The following NOTCH4 variants were observed in gnomAD, a reference collection of about 807,000 sequenced individuals.
NOTCH4 encodes neurogenic locus notch homolog protein 4.
Under a neutral mutation model 189.0 loss-of-function variants are expected in NOTCH4, and 138 were observed. The observed-to-expected ratio is 0.73, with a 90% CI of 0.64 to 0.84. The LOEUF is 0.84. Among genes scored for constraint, NOTCH4 ranks in the 40% least tolerant of loss-of-function variants. The probability of loss-of-function intolerance (pLI) is 0.00; values close to 1 mark genes in which losing one functional copy is unlikely to be tolerated. For missense variants in NOTCH4, 2,286 were observed against 2,605.4 expected, an observed-to-expected ratio of 0.88 and a Z score of 2.67; for synonymous variants, 942 against 1,032.8, an observed-to-expected ratio of 0.91 and a Z score of 1.69.
rs1256127979 is a variant in NOTCH4, at chr6:32,199,620, C to T, written c.4316-475G>A. 6.6e-6 allele frequency among the ~76,000 whole-genome samples: 1 copy of T among 152,122 alleles called. No individual in the cohort carries two copies. Among genetic ancestry groups the T allele is most frequent in the Non-Finnish European group, 1.5e-5 (1 of 68,018 alleles). On this transcript the variant is annotated intron_variant, in intron 23 of 29. Transcript: ENST00000375023. This position sits in a 1 kb window ranked among gnomAD's most constrained non-coding sequence, Gnocchi z 4.9. ...TTGGGAGGCTGAGGCAGGAGAATGG[C>T]GTGAACTTGGGAGGTGGAGCTTGCA...
In NOTCH4 at chr6:32,220,469, G is replaced by C. The variant is rs762106188; in HGVS notation, c.1095C>G (p.Ala365=). 3.1e-6 allele frequency: 5 copies of C among 1,613,860 alleles called. No individual in the cohort carries two copies. Among genetic ancestry groups the C allele is most frequent in the Non-Finnish European group, 4.2e-6 (5 of 1,180,022 alleles). ...NLDDCIAATC[A]PGSTCIDRVG... The stretch of plus-strand genomic sequence containing the variant: ...CCCGGTCAATGCAGGTGGATCCCGG[G>C]GCACAGGTGGCAGCAATACAGTCAT... Residue 365 remains alanine (A), a synonymous_variant, in exon 6 of 30, where the codon GCC becomes GCG. Transcript: ENST00000375023.
At chr6:32,215,088 C>T (rs1358456254) in intron 12 of NOTCH4, 138 bp downstream of exon 12, 20 of 769,056 alleles carry the variant, frequency 2.6e-5, no homozygotes, top group Non-Finnish European at 4.0e-5. Flanking sequence ...CACTGCCTTG[C>T]CCTAAGAACT....
intron 18 of NOTCH4, among the ~76,000 whole-genome samples, chr6:32,207,161 C>T (rs537964758): frequency 6.6e-6 from 1 of 151,256 alleles, no homozygotes; most frequent in Admixed American, 6.6e-5. Flanking sequence ...GAACTCCTGA[C>T]CTTGTGATCT....
chr6:32,223,054 C>T lies in NOTCH4; in HGVS notation c.106G>A (p.Ala36Thr). The T allele has an allele frequency of 6.2e-7, 1 of 1,614,006 alleles. No homozygotes were observed. The highest frequency in any genetic ancestry group is 1.3e-5 in the African/African-American group (1 of 75,000). The change falls in exon 2 of 30, where the codon GCC becomes ACC. Residue 36 changes from alanine (A) to threonine (T), a missense_variant. Coordinates refer to ENST00000375023, the MANE Select transcript of NOTCH4 (RefSeq NM_004557.4). ...AGGCTCAGGCAGGTGCCTCCATTGG[C>T]ACAGGGTTCTGGGAAACTCCCACAC... ...LLCGSFPEPCANGGTCLSLSL... is the reference protein window; with the variant it reads ...LLCGSFPEPCTNGGTCLSLSL...
intron 12 of NOTCH4, 96 bp from the exon 13 acceptor site, chr6:32,214,351 G>A (rs949320833): frequency 4.3e-5 from 60 of 1,401,716 alleles, no homozygotes; most frequent in Non-Finnish European, 5.8e-5. Flanking sequence ...TCTTCTTTTG[G>A]CCCTGAGATT....
rs971885229 is a variant in NOTCH4, at chr6:32,215,279, A to G, written c.1968T>C (p.Pro656=). ...KANCLCPDGS[P]GCAPPEDNCT... Reference sequence around the variant, plus strand: ...AGTTGTCCTCAGGTGGGGCACAGCCAGGGCTTCCATCAGGACAGAGGCAGT... The same window carrying G: ...AGTTGTCCTCAGGTGGGGCACAGCCGGGGCTTCCATCAGGACAGAGGCAGT... Residue 656 remains proline, a synonymous_variant, in exon 12 of 30, where the codon CCT becomes CCC. Transcript: ENST00000375023. 1.9e-6 allele frequency: 3 copies of G among 1,606,688 alleles called. No homozygotes were observed. Among genetic ancestry groups the G allele is most frequent in the South Asian group, 2.2e-5 (2 of 89,418 alleles).
intron 12 of NOTCH4, 139 bp downstream of exon 12, chr6:32,215,087 G>T: frequency 1.3e-6 from 1 of 759,052 alleles, no homozygotes; most frequent in Non-Finnish European, 2.0e-6. Context: ...CCACTGCCTT[G>T]CCCTAAGAAC....
At chr6:32,223,709 C>A in intron 1 of NOTCH4, 147 bp downstream of exon 1, 1 of 854,724 alleles carries the variant, frequency 1.2e-6, no homozygotes, top group South Asian at 1.7e-5. Context: ...AGCCGTCTTT[C>A]CCTGGAGGCC....
rs531105674 is a variant in NOTCH4, at chr6:32,198,654, C to A, written c.4612G>T (p.Gly1538Cys). The A allele has an allele frequency of 6.2e-7, 1 of 1,612,116 alleles. No homozygotes were observed. Among genetic ancestry groups the A allele is most frequent in the Admixed American group, 1.7e-5 (1 of 59,918 alleles). Residue 1538 changes from glycine (G) to cysteine (C), a missense_variant, in exon 25 of 30, where the codon GGC (glycine) becomes TGC (cysteine). By Grantham distance (159) the Gly-to-Cys change is radical. This residue lies in a region of NOTCH4 where 1,903 missense variants were observed against 2,261.9 expected (regional missense o/e 0.84). Coordinates refer to ENST00000375023, the MANE Select transcript of NOTCH4 (RefSeq NM_004557.4). The surrounding 1 kb of genome is among the most constrained non-coding windows in gnomAD (Gnocchi z 5.5). ...CSGPEEGEEVGQAEETGPPST... is the reference protein window; with the variant it reads ...CSGPEEGEEVCQAEETGPPST... ...TCTTGCCCCAGCCCTTTCACCTGGCCCACCTCCTCTCCCTCCTCAGGGCCT... is the reference window on the plus strand; with the variant it reads ...TCTTGCCCCAGCCCTTTCACCTGGCACACCTCCTCTCCCTCCTCAGGGCCT...
intron 17 of NOTCH4, among the ~76,000 whole-genome samples, chr6:32,211,638 TA>T (rs988219656): frequency 4.9e-5 from 7 of 141,968 alleles, no homozygotes; most frequent in African/African-American, 1.8e-4. Context: ...AATAAATAAA[TA>T]AATAAGGTAT....
At chr6:32,220,704 G>A in intron 5 of NOTCH4, 52 bp downstream of exon 5, 1 of 1,612,634 alleles carries the variant, frequency 6.2e-7, no homozygotes, top group South Asian at 1.1e-5. Flanking sequence ...GGGGAGGCCA[G>A]GGGCCAACTC....
Position 32,217,339 on chromosome 6 carries a change from G to A in NOTCH4, c.1625-73C>T, listed in dbSNP as rs1274180852. On this transcript the variant is annotated intron_variant, in intron 9 of 29. Coordinates refer to ENST00000375023, the MANE Select transcript of NOTCH4 (RefSeq NM_004557.4). The surrounding 1 kb of genome is among the most constrained non-coding windows in gnomAD (Gnocchi z 4.2). ...GAGGCACAGCATGGCGCCTTCCCTT[G>A]CCAGGAAAGGTGAACTTGCAGAGCT... 1.1e-6 allele frequency: 1 copy of A among 946,678 alleles called. No individual in the cohort carries two copies. Among genetic ancestry groups the A allele is most frequent in the Non-Finnish European group, 1.7e-6 (1 of 597,350 alleles). 58.6% of individuals were successfully genotyped at this position (946,678 alleles called of 1,614,324 possible). A position where few individuals can be genotyped will look rare whatever the true frequency, so the allele number is the denominator to read the frequency against.
Position 32,195,524 on chromosome 6 carries a change from G to A in NOTCH4, c.5925C>T (p.Ser1975=), listed in dbSNP as rs1018105393. ...IPIPPPCLTP[S]PERGSPQLDC... ...CAAGTTGAGGTGATCCCCGCTCCGGGGACGGAGTAAGGCAAGGAGGCGGGA... is the reference window on the plus strand; with the variant it reads ...CAAGTTGAGGTGATCCCCGCTCCGGAGACGGAGTAAGGCAAGGAGGCGGGA... The change falls in exon 30 of 30, where the codon TCC becomes TCT. Residue 1975 remains serine (S), a synonymous_variant. Transcript: ENST00000375023. This position sits in a 1 kb window ranked among gnomAD's most constrained non-coding sequence, Gnocchi z 5.4. The A allele has an allele frequency of 6.2e-7, 1 of 1,613,110 alleles. No homozygotes were observed. The highest frequency in any genetic ancestry group is 8.5e-7 in the Non-Finnish European group (1 of 1,180,032).
At chr6:32,203,692 CT>C in intron 20 of NOTCH4, 77 bp downstream of exon 20, 3 of 1,072,232 alleles carry the variant, frequency 2.8e-6, no homozygotes, top group Non-Finnish European at 4.1e-6. Flanking sequence ...CCCACAGTCC[CT>C]TCTGGGATTC....
rs555486689 is a variant in NOTCH4 at position 32,213,338 on chromosome 6, C to T, written c.2321-86G>A. 6 of 796,072 alleles carry T rather than the reference C, an allele frequency of 7.5e-6. No individual in the cohort carries two copies. The Admixed American group carries it at 9.2e-5, about 12-fold the overall frequency. The allele number at this position is 796,072 out of a possible 1,614,324, so 49.3% of individuals were successfully genotyped here. On this transcript the variant is annotated intron_variant, in intron 14 of 29. Coordinates refer to ENST00000375023, the MANE Select transcript of NOTCH4 (RefSeq NM_004557.4). Reference sequence around the variant, plus strand: ...GTCACACTGTACATAGGACATACACCCCCCACCCCCATCAAAACGACAGCT... The same window carrying T: ...GTCACACTGTACATAGGACATACACTCCCCACCCCCATCAAAACGACAGCT...
At position 32,203,823 on chromosome 6, in the gene NOTCH4, TCCC is replaced by T. The variant is rs779012808; in HGVS notation, c.3175_3177del (p.Gly1059del). ...GGTGATCCTGCTGTGGCCTCACAGG[TCCC>T]TCCATGAAAGCAGGGTTGGCTGTGG... On this transcript the variant is annotated inframe_deletion, in exon 20 of 30. Transcript: ENST00000375023. 9 of 1,562,440 alleles carry T rather than the reference TCCC, an allele frequency of 5.8e-6. No individual in the cohort carries two copies. The highest frequency in any genetic ancestry group is 7.8e-6 in the Non-Finnish European group (9 of 1,152,872).
At chr6:32,196,445 T>G (rs1156787755) in intron 28 of NOTCH4, 24 bp from the exon 29 acceptor site, 1 of 1,611,318 alleles carries the variant, frequency 6.2e-7, no homozygotes, top group Non-Finnish European at 8.5e-7. Context: ...TGGGAGGTTG[T>G]TACCCCAGTT....
Position 32,217,200 on chromosome 6 carries a change from C to A in NOTCH4, c.1691G>T (p.Gly564Val). The change falls in exon 10 of 30, where the codon GGG becomes GTG. Residue 564 changes from glycine (G) to valine (V), a missense_variant. Physicochemically the swap from Gly to Val is moderately radical, Grantham distance 109. This residue lies in a region of NOTCH4 where 1,903 missense variants were observed against 2,261.9 expected (regional missense o/e 0.84). Coordinates refer to ENST00000375023, the MANE Select transcript of NOTCH4 (RefSeq NM_004557.4). This position sits in a 1 kb window ranked among gnomAD's most constrained non-coding sequence, Gnocchi z 4.2. ...ECRSSPCANG[G>V]QCQDQPGAFH... ...GGCTCCAGGCTGGTCCTGGCACTGC[C>A]CACCATTGGCACAGGGAGAGCTTCT... 1 of 1,613,062 alleles carries A rather than the reference C, an allele frequency of 6.2e-7. No individual in the cohort carries two copies. The highest frequency in any genetic ancestry group is 8.5e-7 in the Non-Finnish European group (1 of 1,180,010).
At chr6:32,220,702 C>T in intron 5 of NOTCH4, 54 bp downstream of exon 5, 1 of 1,612,634 alleles carries the variant, frequency 6.2e-7, no homozygotes, top group Non-Finnish European at 8.5e-7. Flanking sequence ...TAGGGGAGGC[C>T]AGGGGCCAAC....
Sources: allele counts gnomAD v4.1 joint callset (sites outside exome capture counted in the v4.1 genomes callset), GRCh38; gene constraint gnomAD v4.1.1; regional missense constraint gnomAD v4.1.1; non-coding constraint Gnocchi (gnomAD v3.1); transcripts MANE v1.5; gene names NCBI Gene and HGNC (gene_info 2026-07-23, HGNC 2026-07-21).